RFC4: variants seen among roughly 807,000 people sequenced by gnomAD.
RFC4 encodes replication factor C subunit 4.
A neutral mutation model predicts 47.6 loss-of-function variants in RFC4; 38 were observed. The observed-to-expected ratio is 0.80, with a 90% confidence interval of 0.62 to 1.05. The LOEUF is 1.05. Ranked by LOEUF, RFC4 falls within the 50% of genes least tolerant of loss-of-function variation. The pLI is 0.00. For missense variants in RFC4, 489 were observed against 434.0 expected (o/e 1.13, Z -1.13); for synonymous variants, 164 against 150.0 (o/e 1.09, Z -0.68).
intron 7 of RFC4, 46 bp from the exon 8 acceptor site, chr3:186,791,896 A>G: frequency 6.7e-7 from 1 of 1,492,636 alleles, no homozygotes; most frequent in Non-Finnish European, 9.1e-7. Flanking sequence ...CCAATTAAGG[A>G]TTTATAACTT....
intron 8 of RFC4, 118 bp from the exon 9 acceptor site, chr3:186,790,524 C>T (rs1213581532): frequency 1.4e-5 from 10 of 734,916 alleles, no homozygotes; most frequent in Non-Finnish European, 9.7e-6. Context: ...CCATACTTTC[C>T]TGGGAAGGCT....
chr3:186,799,349 C>T (rs1579181836), intron 3 of RFC4, among the ~76,000 whole-genome samples: 1 of 152,070 alleles, frequency 6.6e-6, no homozygotes, highest in South Asian at 2.1e-4. Flanking sequence ...ATTAAAAAAA[C>T]TATTTCACCT....
intron 8 of RFC4, 174 bp downstream of exon 8, chr3:186,791,549 GAA>G: frequency 1.6e-6 from 1 of 643,942 alleles, no homozygotes; most frequent in Non-Finnish European, 2.8e-6. Flanking sequence ...CTGACAAACT[GAA>G]AAGTCAGTGC....
intron 10 of RFC4, 31 bp from the exon 11 acceptor site, chr3:186,790,095 T>G (rs768971313): frequency 1.2e-5 from 19 of 1,605,490 alleles, no homozygotes; most frequent in Non-Finnish European, 1.5e-5. Flanking sequence ...ATTAGCATCC[T>G]TCAGGTAGTT....
At chr3:186,791,351 T>A (rs1722127955) in intron 8 of RFC4, 1 of 260,220 alleles carries the variant, frequency 3.8e-6, no homozygotes, top group African/African-American at 2.2e-5. Flanking sequence ...TAGCTGGGCA[T>A]GGTGGCAGGT....
rs1722162712 is a variant in RFC4 at position 186,792,522 on chromosome 3, C to T, written c.643G>A (p.Ala215Thr). 1.2e-6 allele frequency: 2 copies of T among 1,612,716 alleles called. No homozygotes were observed. Among genetic ancestry groups the T allele is most frequent in the Non-Finnish European group, 1.7e-6 (2 of 1,178,812 alleles). Reference sequence around the variant, plus strand: ...CTAATTTTGACATTTTCCTTCTTGGCAATGTCTAGTAATCGCTGCTGTTGA... The same window carrying T: ...CTAATTTTGACATTTTCCTTCTTGGTAATGTCTAGTAATCGCTGCTGTTGA... Reference protein sequence around the residue: ...KIQQQRLLDIAKKENVKISDE... With the variant: ...KIQQQRLLDITKKENVKISDE... The change falls in exon 7 of 11, where the codon GCC (alanine) becomes ACC (threonine). Residue 215 changes from alanine (A) to threonine (T), a missense_variant. Coordinates refer to ENST00000296273, the MANE Select transcript of RFC4 (RefSeq NM_002916.5).
At chr3:186,805,305 T>C (rs1054763667) in intron 1 of RFC4, among the ~76,000 whole-genome samples, 2 of 152,140 alleles carry the variant, frequency 1.3e-5, no homozygotes, top group Non-Finnish European at 1.5e-5. Flanking sequence ...ACTGCAGCCT[T>C]GACATCCCAG....
chr3:186,801,916 G>A (rs1235688173), intron 2 of RFC4, among the ~76,000 whole-genome samples: 3 of 150,790 alleles, frequency 2.0e-5, no homozygotes, highest in Admixed American at 6.6e-5. Context: ...CCAGCTACTC[G>A]GGAGGCTGAG....
intron 2 of RFC4, among the ~76,000 whole-genome samples, chr3:186,803,234 T>A (rs931798200): frequency 1.3e-5 from 2 of 151,802 alleles, no homozygotes; most frequent in Non-Finnish European, 2.9e-5. Flanking sequence ...TCCCAGCTAC[T>A]CGGGAGGCTG....
chr3:186,790,295 C>CTAA, intron 9 of RFC4, 31 bp downstream of exon 9: 1 of 1,611,570 alleles, frequency 6.2e-7, no homozygotes, highest in Non-Finnish European at 8.5e-7. Flanking sequence ...ACTTAATATT[C>CTAA]CTTTCCCCAA....
In RFC4 at chr3:186,790,342, A is replaced by G. The variant is rs145789241; in HGVS notation, c.866T>C (p.Leu289Pro). The G allele has an allele frequency of 4.2e-4, 685 of 1,613,580 alleles. No individual in the cohort carries two copies. Among genetic ancestry groups the G allele is most frequent in the Non-Finnish European group, 5.6e-4 (664 of 1,179,666 alleles). Residue 289 changes from leucine (L) to proline (P), a missense_variant, in exon 9 of 11, where the codon CTA (leucine) becomes CCA (proline). Physicochemically the swap from Leu to Pro is moderately conservative, Grantham distance 98. Around this residue, in one of 2 missense-constraint regions of RFC4, gnomAD observed 283 missense variants for 176.2 expected, o/e 1.61. Coordinates refer to ENST00000296273, the MANE Select transcript of RFC4 (RefSeq NM_002916.5). ...TGACTTTACCTTGACCACAGCTTCT[A>G]GTTTGTCAAAAGAGCCACTCTGACA... is the stretch of plus-strand genomic sequence containing the variant. ...AACQSGSFDK[L>P]EAVVKDLIDE...
chr3:186,790,536 TG>T, intron 8 of RFC4, 130 bp from the exon 9 acceptor site: 1 of 705,916 alleles, frequency 1.4e-6, no homozygotes, highest in East Asian at 2.7e-5. Flanking sequence ...GGGAAGGCTT[TG>T]GGAGAACGGA....
Position 186,789,903 on chromosome 3 carries a change from TTTTGGTCA to T in RFC4, c.*58_*65del. On this transcript the variant is annotated 3_prime_UTR_variant, in exon 11 of 11. Coordinates refer to ENST00000296273, the MANE Select transcript of RFC4 (RefSeq NM_002916.5). Reference sequence around the variant, plus strand: ...AATTGTATATTCACTTTAAAGGTGCTTTTGGTCATTTTATTTTTATTACAACTTCATTA... The same window carrying T: ...AATTGTATATTCACTTTAAAGGTGCTTTTTATTTTTATTACAACTTCATTA... The T allele has an allele frequency of 9.8e-7, 1 of 1,020,128 alleles. No individual in the cohort carries two copies. 63.2% of individuals were successfully genotyped at this position (1,020,128 alleles called of 1,614,324 possible).
intron 8 of RFC4, 113 bp from the exon 9 acceptor site, chr3:186,790,519 C>CT (rs1722083153): frequency 2.6e-6 from 2 of 778,066 alleles, no homozygotes; most frequent in South Asian, 1.4e-5. Flanking sequence ...AAGTTCCATA[C>CT]TTTCCTGGGA....
intron 2 of RFC4, among the ~76,000 whole-genome samples, chr3:186,804,079 A>G (rs1474499003): frequency 6.6e-6 from 1 of 152,020 alleles, no homozygotes; most frequent in Non-Finnish European, 1.5e-5. Flanking sequence ...ACTATTTGGG[A>G]GGCTGAGGCA....
Position 186,804,600 on chromosome 3 carries a change from A to G in RFC4, c.114T>C (p.Val38=). 2 of 1,613,930 alleles carry G rather than the reference A, an allele frequency of 1.2e-6. No individual in the cohort carries two copies. The highest frequency in any genetic ancestry group is 1.7e-5 in the Admixed American group (1 of 59,976). Reference sequence around the variant, plus strand: ...GTTCTTACTATTTTTCCACCCAGGGAACGGGTTTGGCTTTCTTGTTCTCTC... The same window carrying G: ...GTTCTTACTATTTTTCCACCCAGGGGACGGGTTTGGCTTTCTTGTTCTCTC... ...SSGENKKAKP[V]PWVEKYRPKC... Residue 38 remains valine, a synonymous_variant, in exon 2 of 11, where the codon GTT becomes GTC. Coordinates refer to ENST00000296273, the MANE Select transcript of RFC4 (RefSeq NM_002916.5).
chr3:186,790,533 C>T, intron 8 of RFC4, 127 bp from the exon 9 acceptor site: 1 of 713,652 alleles, frequency 1.4e-6, no homozygotes, highest in Non-Finnish European at 2.5e-6. Flanking sequence ...CCTGGGAAGG[C>T]TTTGGGAGAA....
intron 8 of RFC4, among the ~76,000 whole-genome samples, chr3:186,791,094 A>G (rs1032226231): frequency 6.6e-6 from 1 of 152,234 alleles, no homozygotes; most frequent in Admixed American, 6.5e-5. Flanking sequence ...TAAGTTGGAT[A>G]TGCCTTTTGT....
intron 3 of RFC4, among the ~76,000 whole-genome samples, chr3:186,799,489 C>A (rs1722307880): frequency 6.6e-6 from 1 of 152,096 alleles, no homozygotes; most frequent in African/African-American, 2.4e-5. Flanking sequence ...TGCCTGTAAT[C>A]CCAGCATTTT....
Sources: allele counts gnomAD v4.1 joint callset (sites outside exome capture counted in the v4.1 genomes callset), GRCh38; gene constraint gnomAD v4.1.1; regional missense constraint gnomAD v4.1.1; transcripts MANE v1.5; gene names NCBI Gene and HGNC (gene_info 2026-07-23, HGNC 2026-07-21).